The following AKAP1 variants were observed in gnomAD, a reference collection of about 807,000 sequenced individuals.
AKAP1 encodes A-kinase anchoring protein 1.
A neutral mutation model predicts 79.8 loss-of-function variants in AKAP1; 32 were observed. That is an observed-to-expected ratio of 0.40 (90% CI 0.30 to 0.54). AKAP1 has a LOEUF of 0.54. AKAP1 is among the 20% of genes least tolerant of loss of function. The pLI, the probability that AKAP1 is intolerant of heterozygous loss-of-function variation, is 0.47. For missense variants in AKAP1, 961 were observed against 1,138.9 expected (o/e 0.84, Z 2.25); for synonymous variants, 416 against 466.7 (o/e 0.89, Z 1.40).
chr17:57,098,740 A>AG (rs900070248), intron 1 of AKAP1, among the ~76,000 whole-genome samples: 134 of 148,120 alleles, frequency 9.0e-4, no homozygotes, highest in Non-Finnish European at 1.7e-3. Flanking sequence ...CTCAGGGGTG[A>AG]GGGAGTGAGG....
chr17:57,111,616 T>C (rs1461845378), intron 3 of AKAP1, among the ~76,000 whole-genome samples, 182 bp from the exon 4 acceptor site: 2 of 152,234 alleles, frequency 1.3e-5, no homozygotes, highest in East Asian at 3.8e-4. Flanking sequence ...GATAAAGTTA[T>C]CTGTGTTTCA....
chr17:57,092,967 T>C (rs72843425), intron 1 of AKAP1: 15,768 of 152,912 alleles, frequency 0.1, 819 homozygotes, highest in East Asian at 0.14. Flanking sequence ...CTCCTCCTGC[T>C]TCCCCCCAGA....
intron 1 of AKAP1, among the ~76,000 whole-genome samples, chr17:57,090,861 A>C (rs1054085769): frequency 6.6e-6 from 1 of 152,232 alleles, no homozygotes; most frequent in Non-Finnish European, 1.5e-5. Context: ...TGATTGAAAA[A>C]GACAATCCTG....
intron 1 of AKAP1, among the ~76,000 whole-genome samples, chr17:57,091,628 T>C (rs1198090318): frequency 2.6e-5 from 4 of 152,130 alleles, no homozygotes; most frequent in African/African-American, 9.7e-5. Flanking sequence ...GAGGACCCCT[T>C]GTTGCCCCAG....
intron 1 of AKAP1, among the ~76,000 whole-genome samples, chr17:57,091,580 A>G (rs1028941121): frequency 1.7e-4 from 26 of 152,162 alleles, no homozygotes; most frequent in African/African-American, 6.3e-4. Flanking sequence ...GGAGCTGGGG[A>G]GCTGGGGAGC....
At chr17:57,089,633 A>C (rs1009013088) in intron 1 of AKAP1, among the ~76,000 whole-genome samples, 6 of 152,144 alleles carry the variant, frequency 3.9e-5, no homozygotes, top group African/African-American at 1.4e-4. Flanking sequence ...CAACTCTAAA[A>C]GCTTAATTGT....
chr17:57,115,176 CATTATTATCTTTGTTGTCCTTATCACAG>C (rs1567915486), intron 6 of AKAP1, among the ~76,000 whole-genome samples: 1 of 152,118 alleles, frequency 6.6e-6, no homozygotes. Context: ...CAGCCTTTGT[CATTATTATCTTTGTTGTCCTTATCACAG>C]AGGATGGAAT....
intron 6 of AKAP1, among the ~76,000 whole-genome samples, chr17:57,115,180 A>G (rs1915504355): frequency 6.6e-6 from 1 of 152,022 alleles, no homozygotes; most frequent in African/African-American, 2.4e-5. Flanking sequence ...CTTTGTCATT[A>G]TTATCTTTGT....
chr17:57,100,446 C>CACACACACACACAT (rs893082167), intron 1 of AKAP1, among the ~76,000 whole-genome samples: 2 of 128,858 alleles, frequency 1.6e-5, no homozygotes, highest in African/African-American at 5.1e-5. Flanking sequence ...CACACACACA[C>CACACACACACACAT]GCACACACAC....
chr17:57,099,711 C>G (rs553226220), intron 1 of AKAP1, among the ~76,000 whole-genome samples: 1 of 152,204 alleles, frequency 6.6e-6, no homozygotes, highest in African/African-American at 2.4e-5. Flanking sequence ...GTGGTGGTGT[C>G]CTGGTAAACT....
At chr17:57,092,654 A>G (rs1330326977) in intron 1 of AKAP1, 1 of 152,226 alleles carries the variant, frequency 6.6e-6, no homozygotes. Flanking sequence ...TACCAGCCAC[A>G]GAGGCATCCT....
At chr17:57,113,410 G>GT (rs1388417543) in intron 5 of AKAP1, among the ~76,000 whole-genome samples, 5 of 150,240 alleles carry the variant, frequency 3.3e-5, no homozygotes, top group Non-Finnish European at 5.9e-5. Context: ...TTGTTTTTTT[G>GT]TTTTTTTATG....
rs1915578817 is a variant in AKAP1 at position 57,116,263 on chromosome 17, T to G, written c.2432+2T>G. The G allele has an allele frequency of 6.2e-7, 1 of 1,613,926 alleles. No individual in the cohort carries two copies. Among genetic ancestry groups the G allele is most frequent in the Admixed American group, 1.7e-5 (1 of 59,992 alleles). On this transcript the variant is annotated splice_donor_variant, in intron 7 of 10. Coordinates refer to ENST00000337714, the MANE Select transcript of AKAP1 (RefSeq NM_003488.4). LOFTEE classifies it high-confidence loss of function. ...AGTAGACGTGCTCCGGCAAATCAGG[T>G]GAGCGGAGATGCCTCAGGCAGGCCT...
At chr17:57,085,616 C>G (rs573529565) in intron 1 of AKAP1, 2 of 152,604 alleles carry the variant, frequency 1.3e-5, no homozygotes, top group South Asian at 2.1e-4. Context: ...CGCCCCCTCT[C>G]GTCCTTCCCC....
rs1913468469 is a variant in AKAP1, at chr17:57,086,505, C to T, written c.-25+1107C>T. The T allele has an allele frequency of 4.4e-6, 2 of 451,284 alleles. No individual in the cohort carries two copies. Among genetic ancestry groups the T allele is most frequent in the Non-Finnish European group, 8.9e-6 (2 of 224,866 alleles). 28.0% of individuals were successfully genotyped at this position (451,284 alleles called of 1,614,324 possible). On this transcript the variant is annotated intron_variant, in intron 1 of 10. Transcript: ENST00000337714. The surrounding 1 kb of genome is among the most constrained non-coding windows in gnomAD (Gnocchi z 5.1). ...CCTGGGTGGCGGCGCCTTCCTGCCG[C>T]CGTTAACACAAACCCGGTGGACTTC...
intron 8 of AKAP1, 83 bp downstream of exon 8, chr17:57,117,010 T>G: frequency 7.5e-7 from 1 of 1,337,392 alleles, no homozygotes; most frequent in Non-Finnish European, 1.1e-6. Context: ...CGTTCTCACC[T>G]GGAGGATTTA....
At chr17:57,115,670 TGTG>T (rs1274128362) in intron 6 of AKAP1, among the ~76,000 whole-genome samples, 1 of 152,208 alleles carries the variant, frequency 6.6e-6, no homozygotes, top group East Asian at 1.9e-4. Context: ...CCAGCTGAGT[TGTG>T]GGCTGGAGCA....
chr17:57,111,690 CA>C (rs1915255329), intron 3 of AKAP1, 107 bp from the exon 4 acceptor site: 7 of 1,352,046 alleles, frequency 5.2e-6, no homozygotes, highest in Non-Finnish European at 7.2e-6. Context: ...GACATGGTAA[CA>C]GCTAATATGT....
chr17:57,085,773 C>T (rs1420830614), intron 1 of AKAP1: 1 of 152,342 alleles, frequency 6.6e-6, no homozygotes, highest in East Asian at 1.9e-4. Context: ...CTCTGCACCT[C>T]AACTTAACCG....
Sources: allele counts gnomAD v4.1 joint callset (sites outside exome capture counted in the v4.1 genomes callset), GRCh38; gene constraint gnomAD v4.1.1; non-coding constraint Gnocchi (gnomAD v3.1); transcripts MANE v1.5; gene names NCBI Gene and HGNC (gene_info 2026-07-23, HGNC 2026-07-21).